CAMKK1: variants seen among roughly 807,000 people sequenced by gnomAD.
The protein encoded by CAMKK1 is calcium/calmodulin-dependent protein kinase kinase 1.
In CAMKK1, 20 loss-of-function variants were observed where a neutral mutation model predicts 63.5. The ratio of observed to expected loss-of-function variants is 0.32; its 90% CI spans 0.22 to 0.46. The LOEUF (loss-of-function observed/expected upper bound fraction) is 0.46. CAMKK1 is among the 20% of genes least tolerant of loss of function. The probability of loss-of-function intolerance (pLI) is 1.00; values close to 1 mark genes in which losing one functional copy is unlikely to be tolerated. For missense variants in CAMKK1, 588 were observed against 658.1 expected (o/e 0.89, Z 1.17); for synonymous variants, 253 against 269.0 (o/e 0.94, Z 0.58).
In CAMKK1 at chr17:3,883,411, G is replaced by A. The variant is rs541557247; in HGVS notation, c.514+18C>T. ...TCCAGGCTAGGAGCTCCCAGGGACA[G>A]GATCAGAAGATACATACGTGGAAAG... On this transcript the variant is annotated intron_variant, in intron 5 of 15. Coordinates refer to ENST00000348335, the MANE Select transcript of CAMKK1 (RefSeq NM_032294.3). This position sits in a 1 kb window ranked among gnomAD's most constrained non-coding sequence, Gnocchi z 4.7. 5.6e-6 allele frequency: 9 copies of A among 1,611,366 alleles called. No homozygotes were observed. The highest frequency in any genetic ancestry group is 4.4e-5 in the South Asian group (4 of 91,038).
In CAMKK1 at chr17:3,869,501, T is replaced by A. The variant is rs1174356757; in HGVS notation, c.1327A>T (p.Ser443Cys). 6.2e-7 allele frequency: 1 copy of A among 1,614,220 alleles called. No individual in the cohort carries two copies. Among genetic ancestry groups the A allele is most frequent in the Non-Finnish European group, 8.5e-7 (1 of 1,180,038 alleles). ...EVKNSVRLIP[S>C]WTTVILVKSM... is the part of the protein sequence containing the mutation. ...GGCTCTCTTACCACCGTGGTCCAGCTGGGGATGAGCCTGACTGAGTTCTTA... is the reference window on the plus strand; with the variant it reads ...GGCTCTCTTACCACCGTGGTCCAGCAGGGGATGAGCCTGACTGAGTTCTTA... The change falls in exon 14 of 16, where the codon AGC becomes TGC. Residue 443 changes from serine to cysteine, a missense_variant. Physicochemically the swap from Ser to Cys is moderately radical, Grantham distance 112. Around this residue, in one of 3 missense-constraint regions of CAMKK1, gnomAD observed 226 missense variants for 229.2 expected, o/e 0.99. Coordinates refer to ENST00000348335, the MANE Select transcript of CAMKK1 (RefSeq NM_032294.3).
At chr17:3,868,090 CTCTGGGGGAGAAGCAGGCGCCGTCTA>C (rs2054627499) in intron 14 of CAMKK1, among the ~76,000 whole-genome samples, 17 of 45,064 alleles carry the variant, frequency 3.8e-4, no homozygotes, top group Non-Finnish European at 4.9e-4. Flanking sequence ...GATACGTGGG[CTCTGGGGGAGAAGCAGGCGCCGTCTA>C]ACTGATACGT....
At chr17:3,870,511 G>A (rs1597452346) in intron 12 of CAMKK1, among the ~76,000 whole-genome samples, 1 of 152,196 alleles carries the variant, frequency 6.6e-6, no homozygotes, top group Admixed American at 6.5e-5. Flanking sequence ...GACTACAGGT[G>A]CCCGCCACCG....
rs571087914 is a variant in CAMKK1 at position 3,888,820 on chromosome 17, G to A, written c.-43-3090C>T. Among the ~76,000 whole-genome samples the A allele has an allele frequency of 1.2e-3, 180 of 152,292 alleles. 1 individual carries two copies. The highest frequency in any genetic ancestry group is 4.1e-3 in the African/African-American group (171 of 41,578). ...GCCCGAGGTTCCTGCCGCGTGTCCG[G>A]GAGACAGGGCCTGGCGCCCCGGCCG... On this transcript the variant is annotated intron_variant, in intron 1 of 15. Transcript: ENST00000348335.
chr17:3,880,474 C>T, intron 8 of CAMKK1, 40 bp from the exon 9 acceptor site: 1 of 1,547,746 alleles, frequency 6.5e-7, no homozygotes, highest in South Asian at 1.1e-5. Context: ...CAGCTGAAAT[C>T]AGGGCACCCG....
rs544296117 is a variant in CAMKK1, at chr17:3,882,169, C to A, written c.685+359G>T. The A allele has an allele frequency of 1.2e-6, 1 of 864,146 alleles. No individual in the cohort carries two copies. Among genetic ancestry groups the A allele is most frequent in the East Asian group, 2.4e-5 (1 of 41,064 alleles). 53.5% of individuals were successfully genotyped at this position (864,146 alleles called of 1,614,324 possible). A position where few individuals can be genotyped will look rare whatever the true frequency, so the allele number is the denominator to read the frequency against. ...TCACAGGAACCCTATGAGGTAGACACCACTAGTATCCCTGTTTTATAGGTG... is the reference window on the plus strand; with the variant it reads ...TCACAGGAACCCTATGAGGTAGACAACACTAGTATCCCTGTTTTATAGGTG... On this transcript the variant is annotated intron_variant, in intron 7 of 15. Transcript: ENST00000348335. This position sits in a 1 kb window ranked among gnomAD's most constrained non-coding sequence, Gnocchi z 4.3.
At position 3,862,878 on chromosome 17, in the gene CAMKK1, C is replaced by G. The variant is rs923999490; in HGVS notation, c.1446-595G>C. 1.1e-4 allele frequency among the ~76,000 whole-genome samples: 17 copies of G among 152,180 alleles called. No homozygotes were observed. The highest frequency in any genetic ancestry group is 1.0e-3 in the Admixed American group (16 of 15,286). ...TCTCAAACTCCTGGGCTCAAGCGAT[C>G]CATCCACCTCAGCCTCCTAAAGTGT... On this transcript the variant is annotated intron_variant, in intron 15 of 15. Transcript: ENST00000348335. The surrounding 1 kb of genome is among the most constrained non-coding windows in gnomAD (Gnocchi z 4.1).
chr17:3,869,882 T>C lies in CAMKK1; in HGVS notation c.1131A>G (p.Glu377=), dbSNP rs1324761500. 3 of 1,614,086 alleles carry C rather than the reference T, an allele frequency of 1.9e-6. No homozygotes were observed. Among genetic ancestry groups the C allele is most frequent in the Non-Finnish European group, 2.5e-6 (3 of 1,180,016 alleles). Residue 377 remains glutamate, a synonymous_variant, in exon 13 of 16, where the codon GAA becomes GAG. Transcript: ENST00000348335. ...NEPVVFPEEP[E]ISEELKDLIL... ...TCAGGTCCTTGAGCTCCTCGCTGAT[T>C]TCTGGCCTGGAGAGGGCGAAGGAAG... is the stretch of plus-strand genomic sequence containing the variant.
rs1195571695 is a variant in CAMKK1, at chr17:3,893,017, C to CCGCCT, written c.-123_-122insAGGCG. 2.8e-4 allele frequency: 42 copies of CCGCCT among 149,500 alleles called. No individual in the cohort carries two copies. The highest frequency in any genetic ancestry group is 1.0e-3 in the African/African-American group (42 of 41,070). The allele number at this position is 149,500 out of a possible 1,614,324, so 9.3% of individuals were successfully genotyped here. The stretch of plus-strand genomic sequence containing the variant: ...GCTGCGCGCCCCGCCCCGCCCCGCC[C>CCGCCT]CGCCCCACCGCCTCGCTGGGGCCCA... On this transcript the variant is annotated 5_prime_UTR_variant, in exon 1 of 16. Transcript: ENST00000348335. The surrounding 1 kb of genome is among the most constrained non-coding windows in gnomAD (Gnocchi z 4.6).
chr17:3,884,271 G>A lies in CAMKK1; in HGVS notation c.408+109C>T. The A allele has an allele frequency of 2.4e-6, 3 of 1,249,432 alleles. No individual in the cohort carries two copies. The highest frequency in any genetic ancestry group is 1.2e-6 in the Non-Finnish European group (1 of 858,762). 77.4% of individuals were successfully genotyped at this position (1,249,432 alleles called of 1,614,324 possible). A position where few individuals can be genotyped will look rare whatever the true frequency, so the allele number is the denominator to read the frequency against. Reference sequence around the variant, plus strand: ...GGGCACGAAACTGTCCTCACCTCCAGGCTAGGACTTGCCTGGCTCTGCCTC... The same window carrying A: ...GGGCACGAAACTGTCCTCACCTCCAAGCTAGGACTTGCCTGGCTCTGCCTC... On this transcript the variant is annotated intron_variant, in intron 3 of 15. Coordinates refer to ENST00000348335, the MANE Select transcript of CAMKK1 (RefSeq NM_032294.3). The surrounding 1 kb of genome is among the most constrained non-coding windows in gnomAD (Gnocchi z 4.5).
intron 14 of CAMKK1, among the ~76,000 whole-genome samples, chr17:3,867,916 G>A (rs1324350640): frequency 4.0e-5 from 6 of 151,572 alleles, no homozygotes; most frequent in African/African-American, 4.9e-5. Context: ...GAGCAAAACC[G>A]AAATGTGAGC....
In CAMKK1 at chr17:3,890,786, C is replaced by T; in HGVS notation, c.-44+2153G>A. On this transcript the variant is annotated intron_variant, in intron 1 of 15. Transcript: ENST00000348335. The surrounding 1 kb of genome is among the most constrained non-coding windows in gnomAD (Gnocchi z 6.5). ...GCTGTGCCTTCTGCCAGGAACACAC[C>T]TCCCTCTCCTCTGCTGCCTGGAGGA... is the stretch of plus-strand genomic sequence containing the variant. The T allele has an allele frequency of 2.6e-6, 2 of 779,730 alleles. No homozygotes were observed. Among genetic ancestry groups the T allele is most frequent in the Non-Finnish European group, 4.8e-6 (2 of 417,940 alleles). The allele number at this position is 779,730 out of a possible 1,614,324, so 48.3% of individuals were successfully genotyped here.
chr17:3,871,547 G>A (rs546622927), intron 12 of CAMKK1, among the ~76,000 whole-genome samples: 21 of 149,864 alleles, frequency 1.4e-4, no homozygotes, highest in Non-Finnish European at 2.5e-4. Context: ...TAGTAGAGAT[G>A]GGGTTTCACC....
At chr17:3,868,035 T>C (rs1479301868) in intron 14 of CAMKK1, among the ~76,000 whole-genome samples, 1 of 126,020 alleles carries the variant, frequency 7.9e-6, no homozygotes, top group Non-Finnish European at 1.7e-5. Context: ...AGGCGCCGTC[T>C]AACTGATACA....
rs1340983344 is a variant in CAMKK1, at chr17:3,871,564, G to A, written c.1124+990C>T. Among the ~76,000 whole-genome samples the A allele has an allele frequency of 8.7e-5, 13 of 149,692 alleles. 1 individual carries two copies. The highest frequency in any genetic ancestry group is 2.8e-4 in the African/African-American group (11 of 39,974). On this transcript the variant is annotated intron_variant, in intron 12 of 15. Transcript: ENST00000348335. ...GTAGAGATGGGGTTTCACCGTGTTA[G>A]CCAGGATGGTCTCGATCTCCTGACC...
Position 3,886,772 on chromosome 17 carries a change from G to C in CAMKK1, c.-43-1042C>G, listed in dbSNP as rs76941781. Among the ~76,000 whole-genome samples, 282 of 152,198 alleles carry C rather than the reference G, an allele frequency of 1.9e-3. 5 individuals are homozygous for C. In the East Asian group the frequency reaches 0.051, roughly 28 times the overall value. ...ACCCCCAGCCCTCACCTTCAGCCAT[G>C]ACCCTGGGCTACATCCTGACCCCGG... is the stretch of plus-strand genomic sequence containing the variant. On this transcript the variant is annotated intron_variant, in intron 1 of 15. Coordinates refer to ENST00000348335, the MANE Select transcript of CAMKK1 (RefSeq NM_032294.3).
intron 9 of CAMKK1, among the ~76,000 whole-genome samples, chr17:3,876,744 G>GTTTTTTTTTTTGGTTTTTT (rs1567625265): frequency 1.2e-4 from 15 of 127,690 alleles, no homozygotes; most frequent in Non-Finnish European, 2.0e-4. Flanking sequence ...AGTTGTTGCT[G>GTTTTTTTTTTTGGTTTTTT]TTTTTTTTTT....
At position 3,869,828 on chromosome 17, in the gene CAMKK1, C is replaced by T; in HGVS notation, c.1185G>A (p.Glu395=). The part of the protein sequence containing the change: ...LILKMLDKNP[E]TRIGVPDIKL... ...TGATGTCTGGCACCCCAATTCTCGT[C>T]TCGGGATTCTTGTCTAACATCTTCA... is the stretch of plus-strand genomic sequence containing the variant. The change falls in exon 13 of 16, where the codon GAG becomes GAA. Residue 395 remains glutamate, a synonymous_variant. Coordinates refer to ENST00000348335, the MANE Select transcript of CAMKK1 (RefSeq NM_032294.3). 6.2e-7 allele frequency: 1 copy of T among 1,614,248 alleles called. No individual in the cohort carries two copies. The highest frequency in any genetic ancestry group is 8.5e-7 in the Non-Finnish European group (1 of 1,180,046).
intron 1 of CAMKK1, among the ~76,000 whole-genome samples, chr17:3,887,000 G>T (rs544481599): frequency 6.6e-6 from 1 of 152,176 alleles, no homozygotes; most frequent in East Asian, 1.9e-4. Flanking sequence ...TGAGAACATG[G>T]GTCTCAGGGA....
Sources: gnomAD v4.1 joint callset for allele counts (sites outside exome capture counted in the v4.1 genomes callset) on GRCh38, gnomAD v4.1.1 for gene constraint, gnomAD v4.1.1 regional missense constraint, Gnocchi (gnomAD v3.1) non-coding constraint, MANE v1.5 for transcripts, NCBI Gene and HGNC (gene_info 2026-07-23, HGNC 2026-07-21) for gene names.